The following PTPRC variants were observed in gnomAD, a reference collection of about 807,000 sequenced individuals.
PTPRC encodes the protein protein tyrosine phosphatase receptor type C, also known as receptor-type tyrosine-protein phosphatase C.
Under a neutral mutation model 155.9 loss-of-function variants are expected in PTPRC, and 44 were observed. The ratio of observed to expected loss-of-function variants is 0.28; its 90% confidence interval spans 0.22 to 0.36. The LOEUF (loss-of-function observed/expected upper bound fraction) is 0.36. Ranked by LOEUF, PTPRC falls within the 10% of genes least tolerant of loss-of-function variation. The pLI is 1.00. For synonymous variants in PTPRC, 525 were observed against 533.1 expected, an observed-to-expected ratio of 0.98 and a Z score of 0.21; for missense variants, 1,401 against 1,564.6, an observed-to-expected ratio of 0.90 and a Z score of 1.76.
intron 31 of PTPRC, among the ~76,000 whole-genome samples, chr1:198,753,382 T>C (rs1348469014): frequency 6.6e-6 from 1 of 151,856 alleles, no homozygotes; most frequent in Non-Finnish European, 1.5e-5. Context: ...ATAAGCAATA[T>C]AATTGAAAGA....
intron 3 of PTPRC, chr1:198,694,045 G>A: frequency 6.5e-7 from 1 of 1,549,140 alleles, no homozygotes; most frequent in Non-Finnish European, 8.7e-7. Flanking sequence ...GAGCAAGGAA[G>A]CCAATCCAAG....
intron 15 of PTPRC, among the ~76,000 whole-genome samples, chr1:198,724,014 T>C (rs567783087): frequency 1.6e-4 from 24 of 152,302 alleles, no homozygotes; most frequent in African/African-American, 5.8e-4. Flanking sequence ...AGTTCACATA[T>C]AGCACTCCCT....
intron 2 of PTPRC, among the ~76,000 whole-genome samples, chr1:198,652,985 A>G (rs1663340163): frequency 6.6e-6 from 1 of 151,888 alleles, no homozygotes; most frequent in South Asian, 2.1e-4. Flanking sequence ...GAAGTACTTC[A>G]AAGGCAAGAA....
In PTPRC at chr1:198,752,612, G is replaced by A; in HGVS notation, c.3349G>A (p.Val1117Met). 6.2e-7 allele frequency: 1 copy of A among 1,612,506 alleles called. No homozygotes were observed. The highest frequency in any genetic ancestry group is 2.2e-5 in the East Asian group (1 of 44,674). The change falls in exon 31 of 33, where the codon GTG (valine) becomes ATG (methionine). Residue 1117 changes from valine to methionine, a missense_variant. By Grantham distance (21) the Val-to-Met change is conservative. Coordinates refer to ENST00000442510, the MANE Select transcript of PTPRC (RefSeq NM_002838.5). ...ATTTTAGAGGAAAGACTCTCGAACTGTGTACCAGTACCAATATACAAACTG... is the reference window on the plus strand; with the variant it reads ...ATTTTAGAGGAAAGACTCTCGAACTATGTACCAGTACCAATATACAAACTG... ...RHSKRKDSRTVYQYQYTNWSV... is the reference protein window; with the variant it reads ...RHSKRKDSRTMYQYQYTNWSV...
At chr1:198,665,292 C>T (rs1003621302) in intron 2 of PTPRC, among the ~76,000 whole-genome samples, 2 of 150,450 alleles carry the variant, frequency 1.3e-5, no homozygotes, top group Non-Finnish European at 3.0e-5. Flanking sequence ...TTAGTAGAGA[C>T]GGGGTTTCAC....
chr1:198,714,477 G>C (rs1653468438), intron 12 of PTPRC, among the ~76,000 whole-genome samples: 1 of 152,126 alleles, frequency 6.6e-6, no homozygotes, highest in South Asian at 2.1e-4. Context: ...TTTAACAGCT[G>C]TCCACATAGA....
rs1443032915 is a variant in PTPRC at position 198,650,868 on chromosome 1, T to A, written c.73+11527T>A. 8.6e-5 allele frequency among the ~76,000 whole-genome samples: 13 copies of A among 151,798 alleles called. No homozygotes were observed. In the Admixed American group the frequency reaches 8.6e-4, roughly 10 times the overall value. ...GGTAGCCAGTGAAAAAAAGTAGAACTATACTTTGCTTTGAATGTTGAAAAG... is the reference window on the plus strand; with the variant it reads ...GGTAGCCAGTGAAAAAAAGTAGAACAATACTTTGCTTTGAATGTTGAAAAG... On this transcript the variant is annotated intron_variant, in intron 2 of 32. Coordinates refer to ENST00000442510, the MANE Select transcript of PTPRC (RefSeq NM_002838.5).
chr1:198,685,541 C>T (rs16843695), intron 2 of PTPRC, among the ~76,000 whole-genome samples: 2,597 of 151,992 alleles, frequency 0.017, 63 homozygotes, highest in African/African-American at 0.059. Context: ...TGTCGCTGCC[C>T]AGAGTGCTTA....
At chr1:198,642,754 A>G (rs188797873) in intron 2 of PTPRC, among the ~76,000 whole-genome samples, 57 of 151,960 alleles carry the variant, frequency 3.8e-4, no homozygotes, top group African/African-American at 1.3e-3. Flanking sequence ...TCTACAGCTT[A>G]AAAAGTAAAA....
intron 2 of PTPRC, among the ~76,000 whole-genome samples, chr1:198,690,596 G>A (rs1286522112): frequency 3.3e-5 from 5 of 151,846 alleles, no homozygotes; most frequent in Admixed American, 2.0e-4. Context: ...TTACTTCAAG[G>A]AATAAGCCAG....
At chr1:198,726,555 G>T (rs1004747799) in intron 15 of PTPRC, among the ~76,000 whole-genome samples, 1 of 152,130 alleles carries the variant, frequency 6.6e-6, no homozygotes, top group African/African-American at 2.4e-5. Context: ...AAATGACAGA[G>T]CCTGAATTCA....
At chr1:198,682,285 C>T (rs558377538) in intron 2 of PTPRC, among the ~76,000 whole-genome samples, 36 of 152,256 alleles carry the variant, frequency 2.4e-4, no homozygotes, top group Admixed American at 3.9e-4. Context: ...CATTTATCAG[C>T]CTTTGCTTTT....
chr1:198,745,539 T>G (rs1655101056), intron 26 of PTPRC, among the ~76,000 whole-genome samples: 1 of 151,774 alleles, frequency 6.6e-6, no homozygotes, highest in Non-Finnish European at 1.5e-5. Flanking sequence ...ACTAGTTACC[T>G]CAAAGTATAA....
At chr1:198,715,126 T>C (rs1312980729) in intron 12 of PTPRC, among the ~76,000 whole-genome samples, 1 of 151,994 alleles carries the variant, frequency 6.6e-6, no homozygotes, top group African/African-American at 2.4e-5. Flanking sequence ...CTTGGTTTTG[T>C]TTGTTTGTTT....
rs750075724 is a variant in PTPRC, at chr1:198,757,121, GA to G, written c.*945del. 5 of 151,662 alleles carry G rather than the reference GA, an allele frequency of 3.3e-5. No individual in the cohort carries two copies. Among genetic ancestry groups the G allele is most frequent in the African/African-American group, 1.2e-4 (5 of 41,350 alleles). The allele number at this position is 151,662 out of a possible 1,614,324, so 9.4% of individuals were successfully genotyped here. On this transcript the variant is annotated 3_prime_UTR_variant, in exon 33 of 33. Transcript: ENST00000442510. ...TTTTTATGGAATTTTTCATTGATAT[GA>G]AAAATATGATATTGCATATGCATAG... is the stretch of plus-strand genomic sequence containing the variant.
intron 2 of PTPRC, among the ~76,000 whole-genome samples, chr1:198,651,158 G>C (rs151111469): frequency 0.013 from 1,900 of 151,852 alleles, 39 homozygotes; most frequent in African/African-American, 0.044. Flanking sequence ...AATATATTGA[G>C]AGACTAAAGA....
chr1:198,674,162 T>C (rs1165665007), intron 2 of PTPRC, among the ~76,000 whole-genome samples: 1 of 152,190 alleles, frequency 6.6e-6, no homozygotes, highest in East Asian at 1.9e-4. Context: ...CCCAGCCTCT[T>C]TGGCTTAGAG....
At chr1:198,693,388 T>G (rs1052414172) in intron 3 of PTPRC, among the ~76,000 whole-genome samples, 3 of 152,348 alleles carry the variant, frequency 2.0e-5, no homozygotes, top group Middle Eastern at 6.8e-3. Context: ...TTATGCCAGC[T>G]ACTCAAATGC....
intron 4 of PTPRC, among the ~76,000 whole-genome samples, chr1:198,698,316 T>C (rs1016971331): frequency 6.6e-6 from 1 of 152,210 alleles, no homozygotes; most frequent in Non-Finnish European, 1.5e-5. Flanking sequence ...AAAATAATAC[T>C]GATGTTGAAA....
Sources: allele counts gnomAD v4.1 joint callset (sites outside exome capture counted in the v4.1 genomes callset), GRCh38; gene constraint gnomAD v4.1.1; transcripts MANE v1.5; gene names NCBI Gene and HGNC (gene_info 2026-07-23, HGNC 2026-07-21).